Variants in LHX4 observed in about 807,000 individuals in gnomAD.
LHX4 encodes the protein LIM homeobox 4.
A neutral mutation model predicts 39.2 loss-of-function variants in LHX4; 16 were observed. That is an observed-to-expected ratio of 0.41 (90% CI 0.28 to 0.62). LHX4 has a LOEUF of 0.62. Among genes scored for constraint, LHX4 ranks in the 20% least tolerant of loss-of-function variants. The probability of loss-of-function intolerance (pLI) is 0.33; values close to 1 mark genes in which losing one functional copy is unlikely to be tolerated. For missense variants in LHX4, 439 were observed against 511.9 expected (o/e 0.86, Z 1.37); for synonymous variants, 206 against 198.1 (o/e 1.04, Z -0.33).
chr1:180,274,776 A>G lies in LHX4; in HGVS notation c.*197A>G, dbSNP rs1648925300. ...TTCCCTGGGGAAGCAGTGGGAGAGCAGACTCATCTCAGAACACAGCACAGG... is the reference window on the plus strand; with the variant it reads ...TTCCCTGGGGAAGCAGTGGGAGAGCGGACTCATCTCAGAACACAGCACAGG... On this transcript the variant is annotated 3_prime_UTR_variant, in exon 6 of 6. Transcript: ENST00000263726. 1 of 631,682 alleles carries G rather than the reference A, an allele frequency of 1.6e-6. No homozygotes were observed. The highest frequency in any genetic ancestry group is 2.7e-6 in the Non-Finnish European group (1 of 373,670). 39.1% of individuals were successfully genotyped at this position (631,682 alleles called of 1,614,324 possible).
At chr1:180,257,262 C>T (rs1198466627) in intron 2 of LHX4, among the ~76,000 whole-genome samples, 2 of 152,206 alleles carry the variant, frequency 1.3e-5, no homozygotes, top group Non-Finnish European at 2.9e-5. Context: ...TGGACTAGGT[C>T]ACTGGTTTTA....
intron 1 of LHX4, among the ~76,000 whole-genome samples, chr1:180,243,226 T>C (rs1308597017): frequency 2.6e-5 from 4 of 152,028 alleles, no homozygotes; most frequent in Non-Finnish European, 1.5e-5. Context: ...CGGCCTCAAA[T>C]GATCTGCCTG....
At chr1:180,256,824 G>A (rs1274075840) in intron 2 of LHX4, among the ~76,000 whole-genome samples, 2 of 152,236 alleles carry the variant, frequency 1.3e-5, no homozygotes, top group Non-Finnish European at 2.9e-5. Context: ...TTGGCCTGTA[G>A]TGAGAAGGGC....
intron 2 of LHX4, among the ~76,000 whole-genome samples, chr1:180,255,323 C>A (rs569597020): frequency 6.6e-6 from 1 of 152,228 alleles, no homozygotes; most frequent in Non-Finnish European, 1.5e-5. Flanking sequence ...CATGATCGTG[C>A]GTACACACAC....
intron 2 of LHX4, among the ~76,000 whole-genome samples, chr1:180,262,698 A>G (rs1236713480): frequency 6.6e-6 from 1 of 150,758 alleles, no homozygotes; most frequent in East Asian, 1.9e-4. Flanking sequence ...AAAAAAAAAG[A>G]AAAGAAAAGA....
chr1:180,230,298 G>A lies in LHX4; in HGVS notation c.-232G>A. ...GCAACAGCGTCTCAACCTGGGATGT[G>A]CACCAACCCCGGAGAGCGAGATCAA... On this transcript the variant is annotated 5_prime_UTR_variant, in exon 1 of 6. Coordinates refer to ENST00000263726, the MANE Select transcript of LHX4 (RefSeq NM_033343.4). This position sits in a 1 kb window ranked among gnomAD's most constrained non-coding sequence, Gnocchi z 5.8. 1 of 602,100 alleles carries A rather than the reference G, an allele frequency of 1.7e-6. No individual in the cohort carries two copies. The highest frequency in any genetic ancestry group is 3.0e-6 in the Non-Finnish European group (1 of 336,528). 37.3% of individuals were successfully genotyped at this position (602,100 alleles called of 1,614,324 possible). A position where few individuals can be genotyped will look rare whatever the true frequency, so the allele number is the denominator to read the frequency against.
At chr1:180,236,274 A>G (rs1471142326) in intron 1 of LHX4, among the ~76,000 whole-genome samples, 2 of 152,210 alleles carry the variant, frequency 1.3e-5, no homozygotes, top group African/African-American at 4.8e-5. Context: ...AACTTGGGCC[A>G]CAGGGGCATC....
intron 3 of LHX4, among the ~76,000 whole-genome samples, chr1:180,268,419 T>C (rs1011190167): frequency 1.3e-5 from 2 of 152,182 alleles, no homozygotes; most frequent in Non-Finnish European, 2.9e-5. Context: ...ATTGTGGTGC[T>C]CACAGTTTTA....
At chr1:180,249,113 C>G (rs1647499541) in intron 2 of LHX4, among the ~76,000 whole-genome samples, 1 of 152,234 alleles carries the variant, frequency 6.6e-6, no homozygotes, top group African/African-American at 2.4e-5. Flanking sequence ...CTCTATGCCT[C>G]AGTTTGTTTA....
rs1648973204 is a variant in LHX4 at position 180,275,511 on chromosome 1, C to A, written c.*932C>A. On this transcript the variant is annotated 3_prime_UTR_variant, in exon 6 of 6. Transcript: ENST00000263726. ...GTCTGTTCAGCCATATCGGCTGATGCCAGTCTTCCAGAGTTCCCCATCCCT... is the reference window on the plus strand; with the variant it reads ...GTCTGTTCAGCCATATCGGCTGATGACAGTCTTCCAGAGTTCCCCATCCCT... 6.6e-6 allele frequency: 1 copy of A among 152,220 alleles called. No individual in the cohort carries two copies. The highest frequency in any genetic ancestry group is 6.5e-5 in the Admixed American group (1 of 15,284). 9.4% of individuals were successfully genotyped at this position (152,220 alleles called of 1,614,324 possible).
At chr1:180,241,362 G>A (rs929408341) in intron 1 of LHX4, among the ~76,000 whole-genome samples, 2 of 152,170 alleles carry the variant, frequency 1.3e-5, no homozygotes, top group Non-Finnish European at 2.9e-5. Flanking sequence ...TGTTTAGGAG[G>A]GGGTTGAGGG....
chr1:180,233,678 C>T (rs1460923828), intron 1 of LHX4, among the ~76,000 whole-genome samples: 1 of 152,098 alleles, frequency 6.6e-6, no homozygotes, highest in Non-Finnish European at 1.5e-5. Flanking sequence ...ATGTAGTCTC[C>T]CCAGGCACCG....
At chr1:180,240,314 G>A (rs1664417861) in intron 1 of LHX4, among the ~76,000 whole-genome samples, 2 of 152,280 alleles carry the variant, frequency 1.3e-5, no homozygotes, top group South Asian at 4.1e-4. Context: ...GATTACAGGT[G>A]TGAGCCACCG....
At chr1:180,256,768 C>T (rs906574227) in intron 2 of LHX4, among the ~76,000 whole-genome samples, 3 of 152,118 alleles carry the variant, frequency 2.0e-5, no homozygotes, top group South Asian at 2.1e-4. Context: ...GTCTCCCGCT[C>T]GGGGGAGTTT....
At chr1:180,267,255 C>T (rs894039149) in intron 3 of LHX4, among the ~76,000 whole-genome samples, 2 of 152,244 alleles carry the variant, frequency 1.3e-5, no homozygotes, top group Non-Finnish European at 2.9e-5. Context: ...GCCCCCACCC[C>T]CTTCACCACA....
intron 2 of LHX4, among the ~76,000 whole-genome samples, chr1:180,265,817 A>T (rs1348785602): frequency 6.6e-6 from 1 of 152,042 alleles, no homozygotes; most frequent in East Asian, 1.9e-4. Flanking sequence ...AGGTGAGGGG[A>T]GAAATGGAGG....
intron 2 of LHX4, among the ~76,000 whole-genome samples, chr1:180,250,360 T>C (rs1048323432): frequency 3.4e-5 from 5 of 148,644 alleles, no homozygotes; most frequent in African/African-American, 1.2e-4. Flanking sequence ...CGCGCGTGGG[T>C]TGACATATGT....
Position 180,248,281 on chromosome 1 carries a change from A to T in LHX4, c.77-4A>T. On this transcript the variant is annotated splice_polypyrimidine_tract_variant and splice_region_variant and intron_variant, in intron 1 of 5. Transcript: ENST00000263726. Reference sequence around the variant, plus strand: ...ACAGTGCCTCTCTCTCCTCTTCCTCACAGAGATTCCCCAGTGCGCTGGCTG... The same window carrying T: ...ACAGTGCCTCTCTCTCCTCTTCCTCTCAGAGATTCCCCAGTGCGCTGGCTG... The T allele has an allele frequency of 6.2e-7, 1 of 1,613,862 alleles. No homozygotes were observed. The highest frequency in any genetic ancestry group is 1.7e-5 in the Admixed American group (1 of 59,998).
Position 180,275,972 on chromosome 1 carries a change from C to A in LHX4, c.*1393C>A, listed in dbSNP as rs1163411746. The A allele has an allele frequency of 6.6e-6, 1 of 152,294 alleles. No individual in the cohort carries two copies. The highest frequency in any genetic ancestry group is 1.9e-4 in the East Asian group (1 of 5,208). 9.4% of individuals were successfully genotyped at this position (152,294 alleles called of 1,614,324 possible). On this transcript the variant is annotated 3_prime_UTR_variant, in exon 6 of 6. Coordinates refer to ENST00000263726, the MANE Select transcript of LHX4 (RefSeq NM_033343.4). The stretch of plus-strand genomic sequence containing the variant: ...ACAGACTGCACTGCTGTGGGAAACG[C>A]TGTCCTGAATGGTGCTGCAGCTCCC...
Sources: gnomAD v4.1 joint callset for allele counts (sites outside exome capture counted in the v4.1 genomes callset) on GRCh38, gnomAD v4.1.1 for gene constraint, Gnocchi (gnomAD v3.1) non-coding constraint, MANE v1.5 for transcripts, NCBI Gene and HGNC (gene_info 2026-07-23, HGNC 2026-07-21) for gene names.